Variants in UNC13C observed in about 807,000 individuals in gnomAD.
The protein encoded by UNC13C is protein unc-13 homolog C.
Under a neutral mutation model 245.4 loss-of-function variants are expected in UNC13C, and 174 were observed. The observed-to-expected ratio is 0.71, with a 90% CI of 0.63 to 0.80. UNC13C has a LOEUF of 0.80. UNC13C is among the 30% of genes least tolerant of loss of function. The pLI, the probability that UNC13C is intolerant of heterozygous loss-of-function variation, is 0.00. For missense variants in UNC13C, 2,829 were observed against 2,602.9 expected, an observed-to-expected ratio of 1.09 and a Z score of -1.89; for synonymous variants, 992 against 895.1, an observed-to-expected ratio of 1.11 and a Z score of -1.93.
intron 4 of UNC13C, among the ~76,000 whole-genome samples, chr15:54,223,847 T>A (rs1358219564): frequency 6.6e-6 from 1 of 152,056 alleles, no homozygotes; most frequent in Admixed American, 6.6e-5. Context: ...TATAAAGATC[T>A]TTCACTTATT....
chr15:53,976,294 C>T (rs976487262), upstream of UNC13C, among the ~76,000 whole-genome samples: 38 of 152,132 alleles, frequency 2.5e-4, no homozygotes, highest in African/African-American at 9.2e-4. Flanking sequence ...TTAAAACACA[C>T]ATGCTGGCAT....
At chr15:54,599,363 C>T (rs2141268937) in intron 30 of UNC13C, among the ~76,000 whole-genome samples, 1 of 152,218 alleles carries the variant, frequency 6.6e-6, no homozygotes, top group African/African-American at 2.4e-5. Context: ...ACAATTTCTT[C>T]TGCATTTGAT....
intron 10 of UNC13C, among the ~76,000 whole-genome samples, chr15:54,285,725 G>A (rs984325685): frequency 6.6e-6 from 1 of 151,648 alleles, no homozygotes; most frequent in African/African-American, 2.4e-5. Flanking sequence ...TATTGTAACA[G>A]AAAAAATATA....
chr15:54,250,596 A>G (rs1263692572), intron 8 of UNC13C, among the ~76,000 whole-genome samples, 152 bp downstream of exon 8: 1 of 152,060 alleles, frequency 6.6e-6, no homozygotes, highest in Non-Finnish European at 1.5e-5. Flanking sequence ...CTGTCCATCA[A>G]ATCACAGTTG....
At chr15:53,985,996 G>A (rs995511657) in intron 1 of UNC13C, among the ~76,000 whole-genome samples, 8 of 151,984 alleles carry the variant, frequency 5.3e-5, no homozygotes, top group African/African-American at 1.4e-4. Flanking sequence ...GGTCCTGCTT[G>A]ATGGCATCTA....
At chr15:54,581,390 A>T (rs1898194950) in intron 30 of UNC13C, among the ~76,000 whole-genome samples, 1 of 152,224 alleles carries the variant, frequency 6.6e-6, no homozygotes, top group South Asian at 2.1e-4. Flanking sequence ...GAGTGGCTTA[A>T]ACACAAAAAC....
At chr15:54,477,507 T>G (rs1295781311) in intron 19 of UNC13C, among the ~76,000 whole-genome samples, 4 of 111,050 alleles carry the variant, frequency 3.6e-5, no homozygotes, top group Non-Finnish European at 5.8e-5. Flanking sequence ...TATTGAGAGT[T>G]TTTAGCATGA....
chr15:53,880,191 T>G, the UNC13C span, among the ~76,000 whole-genome samples: 1 of 152,140 alleles, frequency 6.6e-6, no homozygotes, highest in African/African-American at 2.4e-5. Context: ...ACGTATTTTC[T>G]AGTGCTATTT....
At chr15:53,972,963 T>G in the UNC13C span, among the ~76,000 whole-genome samples, 2 of 152,056 alleles carry the variant, frequency 1.3e-5, no homozygotes, top group Admixed American at 6.5e-5. Context: ...ACATAAGACA[T>G]TTAGTGAGAA....
chr15:53,989,639 C>T (rs368285138), intron 1 of UNC13C, among the ~76,000 whole-genome samples: 40 of 152,110 alleles, frequency 2.6e-4, no homozygotes, highest in African/African-American at 9.4e-4. Flanking sequence ...TGCAAGTTAA[C>T]CGTAATTTTA....
chr15:53,973,981 T>C (rs1275287218), upstream of UNC13C, among the ~76,000 whole-genome samples: 1 of 152,202 alleles, frequency 6.6e-6, no homozygotes, highest in East Asian at 1.9e-4. Flanking sequence ...AGTTTTGAAG[T>C]AGACGTTCAA....
At chr15:54,630,194 G>A (rs1260872457), downstream of UNC13C, 1 of 152,104 alleles carries the variant, frequency 6.6e-6, no homozygotes, top group Non-Finnish European at 1.5e-5. Context: ...ATCAAATTTA[G>A]CAAACACAAA....
intron 17 of UNC13C, among the ~76,000 whole-genome samples, chr15:54,386,187 C>T (rs947395034): frequency 6.6e-5 from 10 of 152,058 alleles, no homozygotes; most frequent in Non-Finnish European, 1.5e-4. Flanking sequence ...GTGTTATTTG[C>T]AGTTAAGAGG....
At chr15:53,897,484 T>C in the UNC13C span, among the ~76,000 whole-genome samples, 123 of 152,326 alleles carry the variant, frequency 8.1e-4, 1 homozygote, top group Non-Finnish European at 1.6e-3. Flanking sequence ...CTCACTATGT[T>C]GTCTAGGCTA....
intron 19 of UNC13C, among the ~76,000 whole-genome samples, chr15:54,468,421 T>C (rs2141038351): frequency 6.6e-6 from 1 of 151,890 alleles, no homozygotes; most frequent in Middle Eastern, 3.4e-3. Context: ...CTTCACTTTT[T>C]TGTTTCCTTT....
the UNC13C span, among the ~76,000 whole-genome samples, chr15:53,971,915 A>G: frequency 7.5e-6 from 1 of 133,852 alleles, no homozygotes; most frequent in Admixed American, 7.4e-5. Flanking sequence ...CAAAAACATG[A>G]ATAGGTAACA....
At chr15:54,632,435 C>T (rs1308499185), downstream of UNC13C, 1 of 151,976 alleles carries the variant, frequency 6.6e-6, no homozygotes, top group Admixed American at 6.6e-5. Flanking sequence ...ATTTTTTTCT[C>T]CTATGTTTTC....
intron 19 of UNC13C, among the ~76,000 whole-genome samples, chr15:54,442,155 T>C (rs1449509724): frequency 1.3e-5 from 2 of 151,838 alleles, no homozygotes; most frequent in Admixed American, 6.6e-5. Context: ...TTTTGATGCC[T>C]TTTTTTCTTT....
the UNC13C span, among the ~76,000 whole-genome samples, chr15:53,862,123 C>T: frequency 0.012 from 1,873 of 152,170 alleles, 22 homozygotes; most frequent in Middle Eastern, 0.048. Flanking sequence ...GCAGCATGAT[C>T]GAATTCTGGA....
Sources: allele counts gnomAD v4.1 joint callset (sites outside exome capture counted in the v4.1 genomes callset), GRCh38; gene constraint gnomAD v4.1.1; transcripts MANE v1.5; gene names NCBI Gene and HGNC (gene_info 2026-07-23, HGNC 2026-07-21).